The following NECAB2 variants were observed in gnomAD, a reference collection of about 807,000 sequenced individuals.
The protein encoded by NECAB2 is N-terminal EF-hand calcium binding protein 2.
NECAB2 carries 68 observed loss-of-function variants against 51.9 expected under a neutral mutation model. That is an observed-to-expected ratio of 1.31 (90% confidence interval 1.08 to 1.60). The LOEUF (loss-of-function observed/expected upper bound fraction) is 1.60, where lower values mean the gene tolerates loss of function less well. Ranked by LOEUF, NECAB2 falls within the 40% of genes most tolerant of loss-of-function variation. The pLI, the probability that NECAB2 is intolerant of heterozygous loss-of-function variation, is 0.00. For missense variants in NECAB2, 854 were observed against 490.3 expected (o/e 1.74, Z -7.00); for synonymous variants, 329 against 203.5 (o/e 1.62, Z -5.25).
chr16:83,986,520 T>G (rs1029584357), intron 5 of NECAB2, among the ~76,000 whole-genome samples: 5 of 152,126 alleles, frequency 3.3e-5, no homozygotes, highest in Non-Finnish European at 1.5e-5. Flanking sequence ...TGCATTTCTG[T>G]ATAAGAGATA....
intron 5 of NECAB2, among the ~76,000 whole-genome samples, chr16:83,983,932 G>C (rs1295227478): frequency 6.6e-6 from 1 of 151,276 alleles, no homozygotes; most frequent in African/African-American, 2.4e-5. Context: ...TTATTTTAAG[G>C]TCATCTCTAC....
Position 83,989,025 on chromosome 16 carries a change from T to C in NECAB2, c.460-1469T>C, listed in dbSNP as rs144309974. ...GAATTCAGCTAACCAGTAACACTTA[T>C]TGATCGCTGACCACATCTTCAGTCA... On this transcript the variant is annotated intron_variant, in intron 5 of 12. Coordinates refer to ENST00000305202, the MANE Select transcript of NECAB2 (RefSeq NM_019065.3). Among the ~76,000 whole-genome samples the C allele has an allele frequency of 3.5e-3, 537 of 152,366 alleles. 4 individuals carry two copies. The highest frequency in any genetic ancestry group is 0.012 in the African/African-American group (498 of 41,594).
In NECAB2 at chr16:83,980,853, A is replaced by G. The variant is rs759568673; in HGVS notation, c.350A>G (p.Lys117Arg). ...TGTCTCTGCAGCCATGTGGACACCA[A>G]GGAGCTGTGTGGTAGGTGCCTGGCT... ...DSDNTNHVDT[K>R]ELCDYFVDHM... The change falls in exon 4 of 13, where the codon AAG becomes AGG. Residue 117 changes from lysine (K) to arginine (R), a missense_variant. By Grantham distance (26) the Lys-to-Arg change is conservative. Transcript: ENST00000305202. The G allele has an allele frequency of 5.6e-6, 9 of 1,601,152 alleles. No homozygotes were observed. Among genetic ancestry groups the G allele is most frequent in the Non-Finnish European group, 7.7e-6 (9 of 1,173,374 alleles).
intron 3 of NECAB2, 86 bp from the exon 4 acceptor site, chr16:83,980,753 G>A (rs2084476470): frequency 2.7e-6 from 4 of 1,489,530 alleles, no homozygotes; most frequent in South Asian, 1.2e-5. Flanking sequence ...GAGCAGGCAG[G>A]ATGTGTGTTT....
chr16:83,981,519 C>A (rs2084489771), intron 5 of NECAB2, among the ~76,000 whole-genome samples: 1 of 152,082 alleles, frequency 6.6e-6, no homozygotes, highest in South Asian at 2.1e-4. Flanking sequence ...AACCCTGTCC[C>A]ATATCAGGTT....
intron 5 of NECAB2, 98 bp downstream of exon 5, chr16:83,981,225 A>G (rs992037518): frequency 1.8e-6 from 2 of 1,081,928 alleles, no homozygotes; most frequent in Admixed American, 3.9e-5. Context: ...ACAGGCCGCC[A>G]GGGAGGCCTA....
chr16:83,984,185 C>CGG (rs1402056388), intron 5 of NECAB2, among the ~76,000 whole-genome samples: 1 of 151,382 alleles, frequency 6.6e-6, no homozygotes, highest in Non-Finnish European at 1.5e-5. Context: ...TTAGTAGAGA[C>CGG]GGGGTTTCAT....
intron 10 of NECAB2, among the ~76,000 whole-genome samples, chr16:84,000,058 ATTTTT>A (rs780319058): frequency 1.7e-5 from 2 of 118,224 alleles, no homozygotes; most frequent in Admixed American, 7.6e-5. Context: ...AGCAAGTTTT[ATTTTT>A]TTTTTTTTTA....
intron 8 of NECAB2, among the ~76,000 whole-genome samples, chr16:83,995,534 T>A (rs9928616): frequency 1.3e-5 from 2 of 152,154 alleles, no homozygotes; most frequent in Non-Finnish European, 2.9e-5. Flanking sequence ...TGAGGCATTC[T>A]GTTACCCAAA....
upstream of NECAB2, chr16:83,965,320 C>G (rs760343662): frequency 6.3e-7 from 1 of 1,581,476 alleles, no homozygotes; most frequent in Non-Finnish European, 8.6e-7. Context: ...CAGGCACGTT[C>G]GACAGCCCGG....
rs530936886 is a variant in NECAB2, at chr16:83,989,829, G to A, written c.460-665G>A. On this transcript the variant is annotated intron_variant, in intron 5 of 12. Transcript: ENST00000305202. ...AAACTTGGAAAAAACTTTCTTTTTC[G>A]TCTTTTCCCCAGAGTTCCGCTAAGA... Among the ~76,000 whole-genome samples, 8 of 152,178 alleles carry A rather than the reference G, an allele frequency of 5.3e-5. No homozygotes were observed. In the East Asian group the frequency reaches 9.6e-4, roughly 18 times the overall value.
chr16:83,990,967 G>T (rs1306670114), intron 6 of NECAB2, among the ~76,000 whole-genome samples: 1 of 151,920 alleles, frequency 6.6e-6, no homozygotes, highest in African/African-American at 2.4e-5. Context: ...CTGTTGTTTG[G>T]CCCACGTTTT....
chr16:84,001,772 A>T (rs757048578), intron 11 of NECAB2, 53 bp from the exon 12 acceptor site: 4 of 1,583,652 alleles, frequency 2.5e-6, no homozygotes, highest in Non-Finnish European at 2.6e-6. Flanking sequence ...GGGGAGCCAC[A>T]CGCGGAGCTC....
At position 83,990,531 on chromosome 16, in the gene NECAB2, C is replaced by T. The variant is rs763808340; in HGVS notation, c.497C>T (p.Thr166Ile). 2.0e-5 allele frequency: 33 copies of T among 1,614,134 alleles called. No homozygotes were observed. Among genetic ancestry groups the T allele is most frequent in the Middle Eastern group, 3.3e-4 (2 of 6,062 alleles). The change falls in exon 6 of 13, where the codon ACC (threonine) becomes ATC (isoleucine). Residue 166 changes from threonine (T) to isoleucine (I), a missense_variant. Physicochemically the swap from Thr to Ile is moderately conservative, Grantham distance 89. Coordinates refer to ENST00000305202, the MANE Select transcript of NECAB2 (RefSeq NM_019065.3). ...GGGAGCAACGTGGACCAGTTTGTGA[C>T]CCGCTTCCTCCTGAAGGAGACGGCC... ...EGGSNVDQFV[T>I]RFLLKETANQ...
At chr16:83,998,590 A>G in intron 10 of NECAB2, among the ~76,000 whole-genome samples, 1 of 152,172 alleles carries the variant, frequency 6.6e-6, no homozygotes, top group East Asian at 1.9e-4. Flanking sequence ...TCATGAGTGC[A>G]TATACAATCA....
intron 1 of NECAB2, chr16:83,971,831 G>T: frequency 2.0e-6 from 1 of 509,936 alleles, no homozygotes; most frequent in South Asian, 2.6e-5. Flanking sequence ...GGTGGGTGAA[G>T]CCACGTGGAC....
chr16:83,993,920 A>T (rs941227945), intron 6 of NECAB2, among the ~76,000 whole-genome samples: 66 of 152,266 alleles, frequency 4.3e-4, no homozygotes, highest in African/African-American at 1.6e-3. Context: ...TGGGCCTATC[A>T]TGAGGGAGGG....
chr16:83,999,863 G>T (rs1158016926), intron 10 of NECAB2, among the ~76,000 whole-genome samples: 1 of 144,804 alleles, frequency 6.9e-6, no homozygotes, highest in Non-Finnish European at 1.5e-5. Context: ...AAGATGCTTT[G>T]ATTTTTAAAG....
chr16:83,968,200 C>A (rs1264604098), upstream of NECAB2, among the ~76,000 whole-genome samples: 1 of 151,330 alleles, frequency 6.6e-6, no homozygotes, highest in Non-Finnish European at 1.5e-5. Flanking sequence ...GGGGCTGGAG[C>A]CGGCAGAGGG....
Sources: allele counts gnomAD v4.1 joint callset (sites outside exome capture counted in the v4.1 genomes callset), GRCh38; gene constraint gnomAD v4.1.1; transcripts MANE v1.5; gene names NCBI Gene and HGNC (gene_info 2026-07-23, HGNC 2026-07-21).